ROBO2: variants seen among roughly 807,000 people sequenced by gnomAD.
The protein encoded by ROBO2 is roundabout homolog 2.
Under a neutral mutation model 160.8 loss-of-function variants are expected in ROBO2, and 53 were observed. The observed-to-expected ratio is 0.33, with a 90% CI of 0.26 to 0.41. ROBO2 has a LOEUF of 0.41. ROBO2 is among the 10% of genes least tolerant of loss of function. The pLI is 1.00. For synonymous variants in ROBO2, 664 were observed against 611.7 expected, an observed-to-expected ratio of 1.09 and a Z score of -1.26; for missense variants, 1,577 against 1,722.4, an observed-to-expected ratio of 0.92 and a Z score of 1.49.
intron 2 of ROBO2, among the ~76,000 whole-genome samples, chr3:77,435,743 G>C (rs2153546770): frequency 6.6e-6 from 1 of 151,840 alleles, no homozygotes; most frequent in Admixed American, 6.6e-5. Flanking sequence ...GCATAGACCA[G>C]TTAAAAATGA....
intron 4 of ROBO2, among the ~76,000 whole-genome samples, chr3:77,484,982 A>G (rs1457420192): frequency 6.6e-6 from 1 of 152,092 alleles, no homozygotes. Context: ...AAAATCTTCT[A>G]TAATCATTTT....
chr3:76,021,557 A>G (rs972430219), intron 2 of ROBO2, among the ~76,000 whole-genome samples: 2 of 151,802 alleles, frequency 1.3e-5, no homozygotes, highest in African/African-American at 4.8e-5. Flanking sequence ...TCAGTTCCAG[A>G]CCACTGCAAT....
chr3:77,203,532 ATGT>A (rs1186383136), intron 2 of ROBO2, among the ~76,000 whole-genome samples: 1 of 152,208 alleles, frequency 6.6e-6, no homozygotes, highest in Non-Finnish European at 1.5e-5. Flanking sequence ...GAAATTTAAA[ATGT>A]CAGTTTTACA....
At chr3:76,502,556 ATTC>A (rs2080520732) in intron 2 of ROBO2, among the ~76,000 whole-genome samples, 1 of 152,170 alleles carries the variant, frequency 6.6e-6, no homozygotes, top group Non-Finnish European at 1.5e-5. Context: ...TGCTTCATCC[ATTC>A]TTTTTAAATT....
At chr3:76,391,564 G>A (rs2077154531) in intron 2 of ROBO2, among the ~76,000 whole-genome samples, 1 of 151,736 alleles carries the variant, frequency 6.6e-6, no homozygotes, top group Non-Finnish European at 1.5e-5. Flanking sequence ...TGCCCAGGCT[G>A]GAGTGTGAGT....
chr3:76,554,779 C>T (rs922614635), intron 2 of ROBO2, among the ~76,000 whole-genome samples: 1 of 152,160 alleles, frequency 6.6e-6, no homozygotes, highest in East Asian at 1.9e-4. Context: ...ATGTTATGCA[C>T]ATCTTTTTAT....
intron 2 of ROBO2, among the ~76,000 whole-genome samples, chr3:77,286,035 A>T (rs2060568966): frequency 6.6e-6 from 1 of 152,064 alleles, no homozygotes; most frequent in Admixed American, 6.6e-5. Context: ...GAGGTAACAC[A>T]TGTTGCTGTT....
intron 1 of ROBO2, among the ~76,000 whole-genome samples, chr3:77,072,467 C>T (rs2067527494): frequency 6.6e-6 from 1 of 152,094 alleles, no homozygotes; most frequent in African/African-American, 2.4e-5. Context: ...CTAGAACTGA[C>T]CAAGGCCTTT....
intron 2 of ROBO2, among the ~76,000 whole-genome samples, chr3:76,032,055 A>G (rs1231669041): frequency 2.0e-5 from 3 of 152,076 alleles, no homozygotes; most frequent in Non-Finnish European, 4.4e-5. Flanking sequence ...GTCTATTCAG[A>G]CATTCAACTT....
chr3:77,419,047 G>C (rs916995227), intron 2 of ROBO2, among the ~76,000 whole-genome samples: 15 of 152,030 alleles, frequency 9.9e-5, no homozygotes, highest in Non-Finnish European at 1.9e-4. Flanking sequence ...GTTCTTTCTG[G>C]AGACTCTGAG....
chr3:77,277,215 C>CTTTCT (rs1560408962), intron 2 of ROBO2, among the ~76,000 whole-genome samples: 1 of 71,556 alleles, frequency 1.4e-5, no homozygotes, highest in Non-Finnish European at 3.1e-5. Flanking sequence ...TTTCTTTCTT[C>CTTTCT]TTTCTTTCTT....
At chr3:77,640,252 A>C (rs1292501372) in intron 24 of ROBO2, among the ~76,000 whole-genome samples, 5 of 151,730 alleles carry the variant, frequency 3.3e-5, no homozygotes, top group South Asian at 2.1e-4. Context: ...GCTGGGACTA[A>C]AGGCGCCCGC....
At chr3:75,956,949 A>G (rs1948741659) in intron 2 of ROBO2, among the ~76,000 whole-genome samples, 1 of 151,642 alleles carries the variant, frequency 6.6e-6, no homozygotes, top group South Asian at 2.1e-4. Context: ...GGGCAAGTTG[A>G]TACACGTTGT....
chr3:76,205,151 T>C (rs1702739651), intron 2 of ROBO2, among the ~76,000 whole-genome samples: 1 of 152,158 alleles, frequency 6.6e-6, no homozygotes, highest in Non-Finnish European at 1.5e-5. Context: ...TTTTTTCCTC[T>C]AGAAAAATAC....
intron 2 of ROBO2, among the ~76,000 whole-genome samples, chr3:77,121,643 T>A: frequency 6.6e-6 from 1 of 152,138 alleles, no homozygotes; most frequent in East Asian, 1.9e-4. Flanking sequence ...AAGCCAGATT[T>A]GTTTTGTTTA....
At chr3:76,176,961 A>T (rs1435140951) in intron 2 of ROBO2, among the ~76,000 whole-genome samples, 1 of 152,128 alleles carries the variant, frequency 6.6e-6, no homozygotes, top group Non-Finnish European at 1.5e-5. Context: ...TATTATTAAA[A>T]GCTTTATTCT....
chr3:76,261,388 T>C, intron 2 of ROBO2, among the ~76,000 whole-genome samples: 1 of 151,842 alleles, frequency 6.6e-6, no homozygotes, highest in Non-Finnish European at 1.5e-5. Context: ...CTTATATGAT[T>C]TTAAGGGTGG....
At chr3:76,156,838 G>A (rs2106889034) in intron 2 of ROBO2, among the ~76,000 whole-genome samples, 1 of 152,274 alleles carries the variant, frequency 6.6e-6, no homozygotes, top group Non-Finnish European at 1.5e-5. Context: ...GCATGGTGGT[G>A]GCACATGCCT....
At chr3:77,281,533 T>A (rs1254206863) in intron 2 of ROBO2, among the ~76,000 whole-genome samples, 1 of 152,044 alleles carries the variant, frequency 6.6e-6, no homozygotes, top group Admixed American at 6.5e-5. Context: ...AGAAATAGTC[T>A]TAGAAATGCG....
Sources: allele counts gnomAD v4.1 joint callset (sites outside exome capture counted in the v4.1 genomes callset), GRCh38; gene constraint gnomAD v4.1.1; transcripts MANE v1.5; gene names NCBI Gene and HGNC (gene_info 2026-07-23, HGNC 2026-07-21).